Variants in SLC25A13 observed in about 807,000 individuals in gnomAD.
The protein encoded by SLC25A13 is solute carrier family 25 member 13.
Under a neutral mutation model 85.5 loss-of-function variants are expected in SLC25A13, and 70 were observed. The observed-to-expected ratio is 0.82, with a 90% CI of 0.68 to 1.00. SLC25A13 has a LOEUF of 1.00. SLC25A13 is among the 50% of genes least tolerant of loss of function. SLC25A13 has a pLI of 0.00. For missense variants in SLC25A13, 765 were observed against 819.8 expected (o/e 0.93, Z 0.82); for synonymous variants, 259 against 288.7 (o/e 0.90, Z 1.04).
At chr7:96,159,214 A>G (rs1274547522) in intron 13 of SLC25A13, among the ~76,000 whole-genome samples, 1 of 152,210 alleles carries the variant, frequency 6.6e-6, no homozygotes, top group Non-Finnish European at 1.5e-5. Context: ...CTGCAATCAG[A>G]AACCTGAGTC....
At chr7:96,191,357 A>G in intron 6 of SLC25A13, 110 bp from the exon 7 acceptor site, 1 of 1,153,642 alleles carries the variant, frequency 8.7e-7, no homozygotes, top group Non-Finnish European at 1.2e-6. Context: ...ATGCATGTAC[A>G]AGAAGAAATG....
chr7:96,147,415 G>C (rs1012300735), intron 13 of SLC25A13, among the ~76,000 whole-genome samples: 1 of 152,110 alleles, frequency 6.6e-6, no homozygotes, highest in Non-Finnish European at 1.5e-5. Flanking sequence ...TTTGAACATC[G>C]TGTGTTATTT....
At chr7:96,239,686 A>G (rs1796893269) in intron 3 of SLC25A13, among the ~76,000 whole-genome samples, 1 of 152,194 alleles carries the variant, frequency 6.6e-6, no homozygotes, top group Non-Finnish European at 1.5e-5. Flanking sequence ...CAAATGTACA[A>G]GTCACATTTC....
intron 5 of SLC25A13, among the ~76,000 whole-genome samples, chr7:96,199,936 C>A (rs982124160): frequency 1.3e-5 from 2 of 151,920 alleles, no homozygotes; most frequent in Non-Finnish European, 2.9e-5. Context: ...ATATTCTCTC[C>A]ATCTCTATTC....
intron 14 of SLC25A13, among the ~76,000 whole-genome samples, chr7:96,139,704 G>A (rs1792442104): frequency 6.6e-6 from 1 of 152,148 alleles, no homozygotes; most frequent in South Asian, 2.1e-4. Context: ...CACCTCATAT[G>A]AATAGAATCA....
intron 1 of SLC25A13, among the ~76,000 whole-genome samples, chr7:96,316,926 T>C (rs191983784): frequency 2.6e-4 from 40 of 152,108 alleles, no homozygotes; most frequent in African/African-American, 9.6e-4. Flanking sequence ...ACTGGCAGGA[T>C]TTGAACCCCA....
chr7:96,290,307 A>G (rs1229618424), intron 2 of SLC25A13, among the ~76,000 whole-genome samples: 2 of 152,156 alleles, frequency 1.3e-5, no homozygotes, highest in South Asian at 2.1e-4. Context: ...ACTGGTACCA[A>G]CCACTGCAAA....
chr7:96,273,323 A>G (rs185589497), intron 3 of SLC25A13, among the ~76,000 whole-genome samples: 132 of 152,172 alleles, frequency 8.7e-4, no homozygotes, highest in African/African-American at 3.1e-3. Context: ...CAAAAAACAA[A>G]AAAAGAAAGA....
intron 14 of SLC25A13, among the ~76,000 whole-genome samples, chr7:96,137,229 T>C (rs1792326449): frequency 6.6e-6 from 1 of 152,226 alleles, no homozygotes; most frequent in Non-Finnish European, 1.5e-5. Context: ...AGACCTATTA[T>C]GTGATTGTGT....
At chr7:96,156,625 G>C (rs1444194483) in intron 13 of SLC25A13, among the ~76,000 whole-genome samples, 1 of 152,136 alleles carries the variant, frequency 6.6e-6, no homozygotes, top group Non-Finnish European at 1.5e-5. Context: ...CTAATTTTTT[G>C]TGTTTTTAGT....
chr7:96,311,036 AT>A (rs1244156377), intron 1 of SLC25A13, among the ~76,000 whole-genome samples: 4 of 152,172 alleles, frequency 2.6e-5, no homozygotes, highest in Non-Finnish European at 4.4e-5. Flanking sequence ...AATTGCCATT[AT>A]TTTTTATAAC....
chr7:96,168,663 TCA>T (rs1793872433), intron 13 of SLC25A13, among the ~76,000 whole-genome samples: 1 of 152,090 alleles, frequency 6.6e-6, no homozygotes, highest in African/African-American at 2.4e-5. Flanking sequence ...TTGAGTAGTA[TCA>T]CATAATTAAT....
intron 3 of SLC25A13, among the ~76,000 whole-genome samples, chr7:96,271,853 T>C (rs1717198123): frequency 6.6e-6 from 1 of 151,852 alleles, no homozygotes; most frequent in Non-Finnish European, 1.5e-5. Context: ...CAGAAGGTAT[T>C]CCAATTTATT....
chr7:96,287,731 G>A (rs1372935772), intron 2 of SLC25A13, among the ~76,000 whole-genome samples: 19 of 152,218 alleles, frequency 1.2e-4, no homozygotes, highest in Admixed American at 1.2e-3. Context: ...GATGCACCAT[G>A]TATTGAGACA....
intron 4 of SLC25A13, among the ~76,000 whole-genome samples, chr7:96,224,178 G>A (rs1194335669): frequency 6.6e-6 from 1 of 152,116 alleles, no homozygotes; most frequent in Non-Finnish European, 1.5e-5. Context: ...ACAAAGTGGG[G>A]TGACTATACG....
At chr7:96,215,025 G>A (rs892155820) in intron 4 of SLC25A13, among the ~76,000 whole-genome samples, 2 of 152,032 alleles carry the variant, frequency 1.3e-5, no homozygotes, top group African/African-American at 4.8e-5. Context: ...ATCCTGGTTG[G>A]CTTGTTTGCA....
Position 96,322,006 on chromosome 7 carries a change from G to C in SLC25A13, c.-50C>G. ...GCGGGACCCACTGACTGGCTGGCTGGCGTTTGGGACCCGGGCGGCTCACTT... is the reference window on the plus strand; with the variant it reads ...GCGGGACCCACTGACTGGCTGGCTGCCGTTTGGGACCCGGGCGGCTCACTT... On this transcript the variant is annotated 5_prime_UTR_variant, in exon 1 of 18. Coordinates refer to ENST00000265631, the MANE Select transcript of SLC25A13 (RefSeq NM_014251.3). 14 of 1,532,652 alleles carry C rather than the reference G, an allele frequency of 9.1e-6. No homozygotes were observed. The highest frequency in any genetic ancestry group is 1.2e-5 in the Non-Finnish European group (14 of 1,140,186). The allele number at this position is 1,532,652 out of a possible 1,614,324, so 94.9% of individuals were successfully genotyped here.
At chr7:96,270,888 G>A (rs1021386113) in intron 3 of SLC25A13, among the ~76,000 whole-genome samples, 7 of 152,104 alleles carry the variant, frequency 4.6e-5, no homozygotes, top group African/African-American at 1.7e-4. Context: ...GTGACTCCAG[G>A]CATTCCTCGG....
At chr7:96,239,065 A>ATATATATATATATGTATG (rs1392985826) in intron 3 of SLC25A13, among the ~76,000 whole-genome samples, 1 of 132,070 alleles carries the variant, frequency 7.6e-6, no homozygotes, top group African/African-American at 2.9e-5. Context: ...ATATATATAT[A>ATATATATATATATGTATG]TATGTATGTA....
Sources: gnomAD v4.1 joint callset for allele counts (sites outside exome capture counted in the v4.1 genomes callset) on GRCh38, gnomAD v4.1.1 for gene constraint, MANE v1.5 for transcripts, NCBI Gene and HGNC (gene_info 2026-07-23, HGNC 2026-07-21) for gene names.